WWOX: variants seen among roughly 807,000 people sequenced by gnomAD.
The protein encoded by WWOX is WW domain containing oxidoreductase.
WWOX carries 69 observed loss-of-function variants against 46.2 expected under a neutral mutation model. The ratio of observed to expected loss-of-function variants is 1.49; its 90% CI spans 1.23 to 1.82. The LOEUF is 1.82. Among genes scored for constraint, WWOX ranks in the 40% most tolerant of loss-of-function variants. The pLI, the probability that WWOX is intolerant of heterozygous loss-of-function variation, is 0.00. For synonymous variants in WWOX, 359 were observed against 202.6 expected, an observed-to-expected ratio of 1.77 and a Z score of -6.56; for missense variants, 919 against 542.6, an observed-to-expected ratio of 1.69 and a Z score of -6.89.
intron 8 of WWOX, among the ~76,000 whole-genome samples, chr16:78,709,708 C>T (rs1333983231): frequency 6.6e-6 from 1 of 151,200 alleles, no homozygotes; most frequent in Non-Finnish European, 1.5e-5. Flanking sequence ...TGTGTTGGGG[C>T]CTCTTCTTCC....
chr16:78,330,941 C>T (rs957688340), intron 5 of WWOX, among the ~76,000 whole-genome samples: 1 of 152,192 alleles, frequency 6.6e-6, no homozygotes, highest in African/African-American at 2.4e-5. Context: ...AACACAACCT[C>T]ATAATACAAA....
chr16:79,063,064 T>G (rs946326937), intron 8 of WWOX, among the ~76,000 whole-genome samples: 1 of 152,220 alleles, frequency 6.6e-6, no homozygotes, highest in Admixed American at 6.5e-5. Flanking sequence ...TAAACCATTA[T>G]ACTGTTTGAA....
intron 8 of WWOX, among the ~76,000 whole-genome samples, chr16:78,769,148 A>G (rs1039931296): frequency 6.6e-6 from 1 of 152,202 alleles, no homozygotes; most frequent in Non-Finnish European, 1.5e-5. Flanking sequence ...TGGTGGAAGG[A>G]TGGAAAGGTT....
intron 8 of WWOX, among the ~76,000 whole-genome samples, chr16:78,485,082 G>A (rs548693946): frequency 6.6e-6 from 1 of 152,146 alleles, no homozygotes; most frequent in African/African-American, 2.4e-5. Context: ...TTCCAACTGG[G>A]ATTCCCAGCC....
intron 8 of WWOX, among the ~76,000 whole-genome samples, chr16:78,912,439 A>T (rs1236868058): frequency 6.6e-6 from 1 of 151,886 alleles, no homozygotes; most frequent in Non-Finnish European, 1.5e-5. Context: ...TGGCAGCTCA[A>T]GGGGTTTTTG....
intron 8 of WWOX, among the ~76,000 whole-genome samples, chr16:78,648,027 C>T (rs1215677950): frequency 6.6e-6 from 1 of 152,196 alleles, no homozygotes; most frequent in East Asian, 1.9e-4. Flanking sequence ...CTTGAACCCT[C>T]CCTATCTGTA....
intron 8 of WWOX, among the ~76,000 whole-genome samples, chr16:78,595,410 C>A (rs1286916154): frequency 5.3e-5 from 8 of 152,052 alleles, no homozygotes; most frequent in African/African-American, 1.9e-4. Context: ...TGCCTCCCTG[C>A]AGCCTGTGGA....
At position 78,860,783 on chromosome 16, in the gene WWOX, G is replaced by A. The variant is rs567116788; in HGVS notation, c.1057-350825G>A. Among the ~76,000 whole-genome samples, 17 of 152,318 alleles carry A rather than the reference G, an allele frequency of 1.1e-4. No individual in the cohort carries two copies. In the South Asian group the frequency reaches 2.3e-3, roughly 20 times the overall value. On this transcript the variant is annotated intron_variant, in intron 8 of 8. Coordinates refer to ENST00000566780, the MANE Select transcript of WWOX (RefSeq NM_016373.4). ...TCTGGGAACTAGCTAAAATTAGGGA[G>A]TTAAAATGATCCAGCTTAGCTCAGG...
chr16:78,887,021 C>G (rs4356490), intron 8 of WWOX, among the ~76,000 whole-genome samples: 53,415 of 148,224 alleles, frequency 0.36, 10,733 homozygotes, highest in Non-Finnish European at 0.44. Context: ...CAGTCTCAAA[C>G]CTTTTCTGAA....
chr16:78,468,380 C>T (rs9928087), intron 8 of WWOX, among the ~76,000 whole-genome samples: 1 of 151,786 alleles, frequency 6.6e-6, no homozygotes, highest in African/African-American at 2.4e-5. Flanking sequence ...ACCTTAACCC[C>T]ACGTATTGTT....
chr16:78,951,734 G>A (rs756771667), intron 8 of WWOX, among the ~76,000 whole-genome samples: 13 of 152,162 alleles, frequency 8.5e-5, no homozygotes, highest in Non-Finnish European at 1.5e-4. Flanking sequence ...AGAGGCCTGG[G>A]CCCATGGAAG....
intron 8 of WWOX, among the ~76,000 whole-genome samples, chr16:78,992,136 C>T (rs879767733): frequency 6.6e-5 from 10 of 152,162 alleles, no homozygotes; most frequent in Non-Finnish European, 1.3e-4. Context: ...AAAGGTAATC[C>T]TGTCCTTGAG....
chr16:78,261,772 GTATCTATCTATC>G (rs1203526439), intron 5 of WWOX, among the ~76,000 whole-genome samples: 1 of 130,014 alleles, frequency 7.7e-6, no homozygotes, highest in East Asian at 2.2e-4. Flanking sequence ...ATCTATCTAT[GTATCTATCTATC>G]TATCTATATA....
intron 8 of WWOX, among the ~76,000 whole-genome samples, chr16:78,624,996 G>T (rs1463063844): frequency 6.6e-6 from 1 of 152,148 alleles, no homozygotes; most frequent in Non-Finnish European, 1.5e-5. Context: ...CGCTGACCCT[G>T]AGTTCTGCCT....
At chr16:78,127,033 G>C (rs531797900) in intron 4 of WWOX, among the ~76,000 whole-genome samples, 2 of 152,310 alleles carry the variant, frequency 1.3e-5, no homozygotes, top group Non-Finnish European at 2.9e-5. Context: ...TTGGTAGCAA[G>C]TTTCTATCTG....
chr16:79,014,162 T>G (rs1009336241), intron 8 of WWOX, among the ~76,000 whole-genome samples: 2 of 152,162 alleles, frequency 1.3e-5, no homozygotes, highest in African/African-American at 4.8e-5. Flanking sequence ...TGGTCCTATT[T>G]AAGGAAGGCC....
intron 8 of WWOX, among the ~76,000 whole-genome samples, chr16:78,731,355 C>T (rs973522673): frequency 2.6e-5 from 4 of 152,028 alleles, no homozygotes; most frequent in Non-Finnish European, 4.4e-5. Context: ...ATTTCCGCAC[C>T]TTTTTATAGA....
chr16:79,064,259 C>G (rs185655975), intron 8 of WWOX, among the ~76,000 whole-genome samples: 1 of 152,188 alleles, frequency 6.6e-6, no homozygotes, highest in East Asian at 1.9e-4. Context: ...AAATACAAAC[C>G]CATCCTTAGT....
intron 8 of WWOX, among the ~76,000 whole-genome samples, chr16:78,903,426 C>T (rs2044878875): frequency 6.6e-6 from 1 of 152,192 alleles, no homozygotes; most frequent in Non-Finnish European, 1.5e-5. Context: ...AGCAACCCAT[C>T]AGAGGCTGAA....
Sources: gnomAD v4.1 joint callset for allele counts (sites outside exome capture counted in the v4.1 genomes callset) on GRCh38, gnomAD v4.1.1 for gene constraint, MANE v1.5 for transcripts, NCBI Gene and HGNC (gene_info 2026-07-23, HGNC 2026-07-21) for gene names.